The following KIF16B variants were observed in gnomAD, a reference collection of about 807,000 sequenced individuals.
KIF16B encodes kinesin-like protein KIF16B.
In KIF16B, 98 loss-of-function variants were observed where a neutral mutation model predicts 156.3. The ratio of observed to expected loss-of-function variants is 0.63; its 90% CI spans 0.53 to 0.74. The LOEUF (loss-of-function observed/expected upper bound fraction) is 0.74. Ranked by LOEUF, KIF16B falls within the 30% of genes least tolerant of loss-of-function variation. The pLI is 0.00. For synonymous variants in KIF16B, 564 were observed against 583.7 expected, an observed-to-expected ratio of 0.97 and a Z score of 0.49; for missense variants, 1,421 against 1,606.5, an observed-to-expected ratio of 0.88 and a Z score of 1.97.
intron 24 of KIF16B, among the ~76,000 whole-genome samples, chr20:16,317,378 C>T (rs890411897): frequency 1.3e-5 from 2 of 152,146 alleles, no homozygotes; most frequent in African/African-American, 2.4e-5. Context: ...CATTCTACAG[C>T]GTCTCAGGTA....
intron 12 of KIF16B, among the ~76,000 whole-genome samples, chr20:16,440,033 C>T (rs2066750938): frequency 6.6e-6 from 1 of 152,184 alleles, no homozygotes; most frequent in Non-Finnish European, 1.5e-5. Flanking sequence ...CTCCCAGACA[C>T]ACTCTATCAC....
Position 16,494,333 on chromosome 20 carries a change from C to A in KIF16B, c.1260G>T (p.Lys420Asn). Residue 420 changes from lysine (K) to asparagine (N), a missense_variant, in exon 12 of 26, where the codon AAG (lysine) becomes AAT (asparagine). Lys to Asn is a moderately conservative substitution (Grantham distance 94). Coordinates refer to ENST00000354981, the MANE Select transcript of KIF16B (RefSeq NM_024704.5). ...QNEARVQELT[K>N]EWTNKWNETQ... is the part of the protein sequence containing the mutation. ...TTTCATTCCACTTATTTGTCCATTC[C>A]TTGGTCAATTCTTGAACCTGAAAAG... 1 of 1,599,604 alleles carries A rather than the reference C, an allele frequency of 6.3e-7. No individual in the cohort carries two copies. Among genetic ancestry groups the A allele is most frequent in the Non-Finnish European group, 8.5e-7 (1 of 1,171,972 alleles).
At chr20:16,285,178 T>C (rs560139356) in intron 25 of KIF16B, among the ~76,000 whole-genome samples, 3 of 152,266 alleles carry the variant, frequency 2.0e-5, no homozygotes, top group African/African-American at 4.8e-5. Context: ...GTGGCTACTG[T>C]ACTGGATAGC....
chr20:16,379,658 C>T lies in KIF16B; in HGVS notation c.2344G>A (p.Gly782Arg), dbSNP rs1359294558. The T allele has an allele frequency of 8.1e-6, 13 of 1,614,186 alleles. No individual in the cohort carries two copies. Among genetic ancestry groups the T allele is most frequent in the Non-Finnish European group, 1.1e-5 (13 of 1,180,028 alleles). ...TCCTCTTCCACCCACTGTACCTCCC[C>T]ACGCCGCAGGAGCTGGATCATCTCC... ...KQEMIQLLRR[G>R]EVQWVEEEKR... Residue 782 changes from glycine to arginine, a missense_variant, in exon 19 of 26, where the codon GGG (glycine) becomes AGG (arginine). By Grantham distance (125) the Gly-to-Arg change is moderately radical. Coordinates refer to ENST00000354981, the MANE Select transcript of KIF16B (RefSeq NM_024704.5).
chr20:16,562,817 C>A (rs1172076373), intron 1 of KIF16B, among the ~76,000 whole-genome samples: 1 of 152,194 alleles, frequency 6.6e-6, no homozygotes, highest in African/African-American at 2.4e-5. Flanking sequence ...TGAAGACGGG[C>A]ATATGAGACA....
intron 3 of KIF16B, among the ~76,000 whole-genome samples, chr20:16,520,501 A>G (rs1343258477): frequency 1.3e-5 from 2 of 152,226 alleles, no homozygotes; most frequent in African/African-American, 4.8e-5. Flanking sequence ...TGGGCCTGGC[A>G]TCTCTGAAAG....
intron 12 of KIF16B, among the ~76,000 whole-genome samples, chr20:16,458,377 C>T (rs555611613): frequency 4.5e-4 from 68 of 152,260 alleles, no homozygotes; most frequent in African/African-American, 1.4e-3. Context: ...CTCAGCCCAA[C>T]GGTGGGCATG....
rs181875283 is a variant in KIF16B, at chr20:16,282,420, T to G, written c.3796-9009A>C. ...CCTGGGAGACAAATAGGTAAAGGAG[T>G]AATTACAATTAAAATATGACTATGA... On this transcript the variant is annotated intron_variant, in intron 25 of 25. Coordinates refer to ENST00000354981, the MANE Select transcript of KIF16B (RefSeq NM_024704.5). 2.2e-3 allele frequency among the ~76,000 whole-genome samples: 333 copies of G among 151,782 alleles called. 3 individuals carry two copies. The highest frequency in any genetic ancestry group is 1.5e-3 in the Non-Finnish European group (104 of 67,946).
At chr20:16,551,385 T>A (rs2070655949) in intron 1 of KIF16B, among the ~76,000 whole-genome samples, 1 of 152,192 alleles carries the variant, frequency 6.6e-6, no homozygotes, top group Non-Finnish European at 1.5e-5. Context: ...CGCCTCAGCC[T>A]CCCAAAGTGC....
In KIF16B at chr20:16,444,886, C is replaced by CA. The variant is rs944253652; in HGVS notation, c.1303-14905dup. 3.3e-5 allele frequency among the ~76,000 whole-genome samples: 5 copies of CA among 152,042 alleles called. No individual in the cohort carries two copies. The East Asian group carries it at 7.7e-4, about 23-fold the overall frequency. ...ATTCTCATTTACATGTCAGAAACAA[C>CA]AAAAAAACCTTCCTTGAAGCTTCTA... On this transcript the variant is annotated intron_variant, in intron 12 of 25. Coordinates refer to ENST00000354981, the MANE Select transcript of KIF16B (RefSeq NM_024704.5).
At position 16,406,457 on chromosome 20, in the gene KIF16B, C is replaced by T. The variant is rs2065789578; in HGVS notation, c.1613-1G>A. 1 of 1,613,080 alleles carries T rather than the reference C, an allele frequency of 6.2e-7. No homozygotes were observed. The highest frequency in any genetic ancestry group is 1.1e-5 in the South Asian group (1 of 91,034). ...GTTCTTCCCAAGAGAATCACAGCAC[C>T]TGAAAACACACAAAAACAGTAATGA... On this transcript the variant is annotated splice_acceptor_variant, in intron 15 of 25. Transcript: ENST00000354981. LOFTEE classifies it high-confidence loss of function.
intron 1 of KIF16B, among the ~76,000 whole-genome samples, chr20:16,565,414 G>A (rs553313691): frequency 2.0e-5 from 3 of 152,288 alleles, no homozygotes; most frequent in Admixed American, 6.5e-5. Flanking sequence ...TGTGAAAACA[G>A]TTCTGACGTT....
intron 12 of KIF16B, among the ~76,000 whole-genome samples, chr20:16,463,085 T>C (rs2067392335): frequency 6.6e-6 from 1 of 152,188 alleles, no homozygotes; most frequent in Admixed American, 6.5e-5. Flanking sequence ...CCTATGTAAA[T>C]CAGACACCAC....
chr20:16,452,416 AC>A (rs1294454132), intron 12 of KIF16B, among the ~76,000 whole-genome samples: 1 of 151,968 alleles, frequency 6.6e-6, no homozygotes, highest in Non-Finnish European at 1.5e-5. Context: ...AAAAAAAAAA[AC>A]TATTGTTTCT....
At chr20:16,505,952 G>A in intron 8 of KIF16B, 70 bp downstream of exon 8, 1 of 1,604,576 alleles carries the variant, frequency 6.2e-7, no homozygotes, top group Non-Finnish European at 8.5e-7. Context: ...ACCTCAGTTT[G>A]CAACCCAAAT....
intron 1 of KIF16B, among the ~76,000 whole-genome samples, chr20:16,546,373 C>T (rs1050464600): frequency 1.3e-5 from 2 of 152,166 alleles, no homozygotes; most frequent in Admixed American, 1.3e-4. Flanking sequence ...TCTATGTGTT[C>T]ATCTTCATCA....
intron 12 of KIF16B, among the ~76,000 whole-genome samples, chr20:16,448,535 G>A (rs2066994636): frequency 6.6e-6 from 1 of 151,952 alleles, no homozygotes; most frequent in Non-Finnish European, 1.5e-5. Context: ...AATCCTCCTG[G>A]GCCTGGACAG....
At chr20:16,483,931 T>C (rs548384606) in intron 12 of KIF16B, among the ~76,000 whole-genome samples, 2 of 152,310 alleles carry the variant, frequency 1.3e-5, no homozygotes, top group African/African-American at 4.8e-5. Context: ...TTGTGTTTTT[T>C]TAAGCTTCTT....
chr20:16,549,779 A>G (rs2070568569), intron 1 of KIF16B, among the ~76,000 whole-genome samples: 1 of 133,284 alleles, frequency 7.5e-6, no homozygotes, highest in African/African-American at 2.9e-5. Flanking sequence ...GGTGCTGGGA[A>G]AACTGGCTAG....
Sources: allele counts gnomAD v4.1 joint callset (sites outside exome capture counted in the v4.1 genomes callset), GRCh38; gene constraint gnomAD v4.1.1; transcripts MANE v1.5; gene names NCBI Gene and HGNC (gene_info 2026-07-23, HGNC 2026-07-21).